NINJ2: variants seen among roughly 807,000 people sequenced by gnomAD.
The protein encoded by NINJ2 is ninjurin 2, also known as ninjurin-2.
Under a neutral mutation model 11.7 loss-of-function variants are expected in NINJ2, and 12 were observed. The ratio of observed to expected loss-of-function variants is 1.02; its 90% CI spans 0.66 to 1.66. NINJ2 has a LOEUF of 1.66. Among genes scored for constraint, NINJ2 ranks in the 40% most tolerant of loss-of-function variants. NINJ2 has a pLI of 0.00. For missense variants in NINJ2, 187 were observed against 181.8 expected, an observed-to-expected ratio of 1.03 and a Z score of -0.16; for synonymous variants, 93 against 76.8, an observed-to-expected ratio of 1.21 and a Z score of -1.10.
rs1253180148 is a variant in NINJ2, at chr12:565,209, T to C, written c.*18+8A>G. The stretch of plus-strand genomic sequence containing the variant: ...CCCTGGAGCTGGGGTTCCTCCATCC[T>C]CCCTCACCTGGGTCCCAGGCTGCAT... On this transcript the variant is annotated splice_region_variant and intron_variant, in intron 3 of 3. Coordinates refer to ENST00000305108, the MANE Select transcript of NINJ2 (RefSeq NM_016533.6). 3 of 1,600,468 alleles carry C rather than the reference T, an allele frequency of 1.9e-6. No individual in the cohort carries two copies. Among genetic ancestry groups the C allele is most frequent in the Non-Finnish European group, 2.6e-6 (3 of 1,171,766 alleles).
chr12:569,260 C>T (rs1429044754), intron 1 of NINJ2, among the ~76,000 whole-genome samples: 1 of 152,194 alleles, frequency 6.6e-6, no homozygotes, highest in Non-Finnish European at 1.5e-5. Flanking sequence ...GATCCCAGGG[C>T]CAACACTTCA....
chr12:648,285 C>T (rs919187120), intron 1 of NINJ2, among the ~76,000 whole-genome samples: 1 of 152,200 alleles, frequency 6.6e-6, no homozygotes, highest in African/African-American at 2.4e-5. Flanking sequence ...ACCATGTTGG[C>T]CAAGCTGGTC....
intron 1 of NINJ2, among the ~76,000 whole-genome samples, chr12:656,107 G>C (rs1937868959): frequency 6.6e-6 from 1 of 151,960 alleles, no homozygotes; most frequent in Non-Finnish European, 1.5e-5. Flanking sequence ...GCTCGCGCCT[G>C]TAATCCCAGC....
At chr12:592,513 C>G (rs1203973583) in intron 1 of NINJ2, among the ~76,000 whole-genome samples, 1 of 152,132 alleles carries the variant, frequency 6.6e-6, no homozygotes, top group African/African-American at 2.4e-5. Flanking sequence ...CCAGCCTGGC[C>G]AACGTGGTGA....
At chr12:573,696 T>C (rs1028392585) in intron 1 of NINJ2, among the ~76,000 whole-genome samples, 1 of 152,196 alleles carries the variant, frequency 6.6e-6, no homozygotes, top group African/African-American at 2.4e-5. Context: ...GCACACTTAC[T>C]AAGAGGAGGC....
At chr12:590,463 A>G (rs1020587995) in intron 1 of NINJ2, among the ~76,000 whole-genome samples, 15 of 152,340 alleles carry the variant, frequency 9.8e-5, no homozygotes, top group African/African-American at 3.4e-4. Context: ...TTGTGCCTTC[A>G]TAGTCTAAAA....
At chr12:601,352 C>G (rs188757273) in intron 1 of NINJ2, among the ~76,000 whole-genome samples, 2 of 148,702 alleles carry the variant, frequency 1.3e-5, no homozygotes, top group African/African-American at 5.0e-5. Flanking sequence ...CGAGACCATC[C>G]TGGCTAACAC....
chr12:647,460 C>T (rs1254035463), intron 1 of NINJ2, among the ~76,000 whole-genome samples: 1 of 108,020 alleles, frequency 9.3e-6, no homozygotes, highest in Non-Finnish European at 2.2e-5. Context: ...TGGTGCCCCA[C>T]ACTGAAACAA....
chr12:601,476 AG>A (rs1359146402), intron 1 of NINJ2, among the ~76,000 whole-genome samples: 7 of 151,812 alleles, frequency 4.6e-5, no homozygotes, highest in Admixed American at 3.9e-4. Flanking sequence ...TGAACCTGGG[AG>A]GCGGAGCTTA....
At chr12:616,931 C>T (rs1389709092) in intron 1 of NINJ2, among the ~76,000 whole-genome samples, 8 of 152,174 alleles carry the variant, frequency 5.3e-5, no homozygotes, top group African/African-American at 1.9e-4. Context: ...CTCAGCCGGG[C>T]GCAGTGGCTC....
At chr12:623,894 T>C (rs1028770100) in intron 1 of NINJ2, among the ~76,000 whole-genome samples, 3 of 151,920 alleles carry the variant, frequency 2.0e-5, no homozygotes, top group Non-Finnish European at 2.9e-5. Flanking sequence ...AGTAGCTAGG[T>C]GTGGTTGTGC....
chr12:575,265 C>G (rs866165418), intron 1 of NINJ2, among the ~76,000 whole-genome samples: 1 of 152,226 alleles, frequency 6.6e-6, no homozygotes, highest in Non-Finnish European at 1.5e-5. Context: ...GTAGTCCTCT[C>G]TCCTGGGGCC....
Position 581,854 on chromosome 12 carries a change from T to C in NINJ2, c.34-15676A>G, listed in dbSNP as rs770242943. Among the ~76,000 whole-genome samples the C allele has an allele frequency of 4.6e-5, 7 of 152,064 alleles. No homozygotes were observed. Among genetic ancestry groups the C allele is most frequent in the Admixed American group, 3.3e-4 (5 of 15,274 alleles). ...CAGCAAAACCCTCAGCAAAAGTCAATGTAAGTCCCAGGCGATGTCTAACTC... is the reference window on the plus strand; with the variant it reads ...CAGCAAAACCCTCAGCAAAAGTCAACGTAAGTCCCAGGCGATGTCTAACTC... On this transcript the variant is annotated intron_variant, in intron 1 of 3. Coordinates refer to ENST00000305108, the MANE Select transcript of NINJ2 (RefSeq NM_016533.6). This position sits in a 1 kb window ranked among gnomAD's most constrained non-coding sequence, Gnocchi z 4.9.
At chr12:603,354 T>C (rs1248335937) in intron 1 of NINJ2, among the ~76,000 whole-genome samples, 2 of 152,258 alleles carry the variant, frequency 1.3e-5, no homozygotes, top group African/African-American at 4.8e-5. Context: ...TAAATATCTC[T>C]CCCATTATCT....
intron 1 of NINJ2, among the ~76,000 whole-genome samples, chr12:575,882 C>T (rs1947450757): frequency 6.6e-6 from 1 of 152,166 alleles, no homozygotes; most frequent in Admixed American, 6.5e-5. Flanking sequence ...CCCCTAGATC[C>T]TGCCTTTTCT....
At chr12:596,847 AG>A (rs1402211828) in intron 1 of NINJ2, among the ~76,000 whole-genome samples, 1 of 152,008 alleles carries the variant, frequency 6.6e-6, no homozygotes, top group East Asian at 1.9e-4. Flanking sequence ...ACTTGAGCCC[AG>A]GAAGTCGAGG....
In NINJ2 at chr12:580,613, A is replaced by C. The variant is rs537719373; in HGVS notation, c.34-14435T>G. ...AAAAAAAAAAAATATATATATATATATATCCATTTGTCATTCACTGCATTC... is the reference window on the plus strand; with the variant it reads ...AAAAAAAAAAAATATATATATATATCTATCCATTTGTCATTCACTGCATTC... On this transcript the variant is annotated intron_variant, in intron 1 of 3. Coordinates refer to ENST00000305108, the MANE Select transcript of NINJ2 (RefSeq NM_016533.6). This position sits in a 1 kb window ranked among gnomAD's most constrained non-coding sequence, Gnocchi z 4.7. Among the ~76,000 whole-genome samples the C allele has an allele frequency of 1.3e-5, 2 of 149,612 alleles. No homozygotes were observed. The highest frequency in any genetic ancestry group is 1.4e-4 in the Admixed American group (2 of 14,470).
intron 1 of NINJ2, among the ~76,000 whole-genome samples, chr12:613,729 C>T (rs1414476164): frequency 1.3e-5 from 2 of 152,016 alleles, no homozygotes; most frequent in Non-Finnish European, 1.5e-5. Context: ...TACGGTGAAA[C>T]CCCGTCTCTA....
At chr12:609,769 T>TAAAA (rs1948002024) in intron 1 of NINJ2, among the ~76,000 whole-genome samples, 1 of 41,638 alleles carries the variant, frequency 2.4e-5, no homozygotes, top group African/African-American at 1.1e-4. Context: ...AGACTCTGCC[T>TAAAA]CAAAAAAAAA....
Sources: gnomAD v4.1 joint callset for allele counts (sites outside exome capture counted in the v4.1 genomes callset) on GRCh38, gnomAD v4.1.1 for gene constraint, Gnocchi (gnomAD v3.1) non-coding constraint, MANE v1.5 for transcripts, NCBI Gene and HGNC (gene_info 2026-07-23, HGNC 2026-07-21) for gene names.